The following GMDS variants were observed in gnomAD, a reference collection of about 807,000 sequenced individuals.
The protein encoded by GMDS is GDP-mannose 4,6-dehydratase.
In GMDS, 20 loss-of-function variants were observed where a neutral mutation model predicts 49.9. That is an observed-to-expected ratio of 0.40 (90% CI 0.28 to 0.58). The LOEUF (loss-of-function observed/expected upper bound fraction) is 0.58, where lower values mean the gene tolerates loss of function less well. Ranked by LOEUF, GMDS falls within the 20% of genes least tolerant of loss-of-function variation. The probability of loss-of-function intolerance (pLI) is 0.42; values close to 1 mark genes in which losing one functional copy is unlikely to be tolerated. For missense variants in GMDS, 362 were observed against 481.4 expected, an observed-to-expected ratio of 0.75 and a Z score of 2.32; for synonymous variants, 177 against 178.6, an observed-to-expected ratio of 0.99 and a Z score of 0.07.
chr6:1,935,821 A>G (rs2127252439), intron 6 of GMDS, among the ~76,000 whole-genome samples: 1 of 152,364 alleles, frequency 6.6e-6, no homozygotes, highest in Middle Eastern at 3.4e-3. Context: ...CACGCAATGC[A>G]GTAGACAACA....
chr6:1,884,183 T>TA (rs1759493634), intron 7 of GMDS, among the ~76,000 whole-genome samples: 1 of 152,198 alleles, frequency 6.6e-6, no homozygotes, highest in Non-Finnish European at 1.5e-5. Flanking sequence ...ATCAAATATC[T>TA]ATGTGAAAAG....
intron 4 of GMDS, among the ~76,000 whole-genome samples, chr6:2,109,311 T>G (rs1446442218): frequency 1.3e-5 from 2 of 152,116 alleles, no homozygotes; most frequent in African/African-American, 4.8e-5. Flanking sequence ...GGAGAGATAT[T>G]ATTGGAGACA....
chr6:1,868,682 A>G (rs1047581581), intron 7 of GMDS, among the ~76,000 whole-genome samples: 1 of 152,226 alleles, frequency 6.6e-6, no homozygotes, highest in Admixed American at 6.5e-5. Context: ...CTCTGAACTC[A>G]AGTGTAGGGC....
In GMDS at chr6:1,882,084, T is replaced by C. The variant is rs530839081; in HGVS notation, c.771+48019A>G. 3.9e-5 allele frequency among the ~76,000 whole-genome samples: 6 copies of C among 152,354 alleles called. No homozygotes were observed. In the South Asian group the frequency reaches 1.0e-3, roughly 26 times the overall value. ...TGGTGAGTATTTTATTTTTAGAACT[T>C]CTTTTCTAAATCAATGAAGGAAGGC... On this transcript the variant is annotated intron_variant, in intron 7 of 10. Coordinates refer to ENST00000380815, the MANE Select transcript of GMDS (RefSeq NM_001500.4).
chr6:1,862,456 G>A (rs369796771), intron 7 of GMDS, among the ~76,000 whole-genome samples: 1 of 152,222 alleles, frequency 6.6e-6, no homozygotes, highest in South Asian at 2.1e-4. Context: ...AATGCTAGGT[G>A]CAGCTTATCA....
At chr6:2,161,153 G>A (rs893383649) in intron 1 of GMDS, among the ~76,000 whole-genome samples, 3 of 151,722 alleles carry the variant, frequency 2.0e-5, no homozygotes, top group Admixed American at 1.3e-4. Flanking sequence ...CTGGGACTAC[G>A]GGCACACCAT....
At chr6:1,842,531 C>T (rs1391808576) in intron 7 of GMDS, among the ~76,000 whole-genome samples, 1 of 152,204 alleles carries the variant, frequency 6.6e-6, no homozygotes, top group Non-Finnish European at 1.5e-5. Flanking sequence ...CGACTTACAG[C>T]CACAGCAGGG....
intron 1 of GMDS, among the ~76,000 whole-genome samples, chr6:2,128,975 G>A (rs1275140898): frequency 2.0e-5 from 3 of 152,178 alleles, no homozygotes; most frequent in Non-Finnish European, 4.4e-5. Flanking sequence ...GGGGCCAAAG[G>A]GCAGGGCACC....
intron 4 of GMDS, among the ~76,000 whole-genome samples, chr6:2,039,340 A>G (rs1013668809): frequency 6.6e-6 from 1 of 152,222 alleles, no homozygotes; most frequent in Non-Finnish European, 1.5e-5. Context: ...TATGGACTTC[A>G]TGAACTTTAT....
At chr6:1,746,756 C>G (rs1206315554) in intron 7 of GMDS, among the ~76,000 whole-genome samples, 1 of 151,968 alleles carries the variant, frequency 6.6e-6, no homozygotes, top group African/African-American at 2.4e-5. Context: ...GGCTGGAGTA[C>G]AGTGGCACAA....
chr6:1,820,890 G>A (rs1256715583), intron 7 of GMDS, among the ~76,000 whole-genome samples: 1 of 152,180 alleles, frequency 6.6e-6, no homozygotes, highest in Admixed American at 6.5e-5. Context: ...TCTGCTCCTG[G>A]CCACTGGGTG....
intron 1 of GMDS, among the ~76,000 whole-genome samples, chr6:2,172,486 T>A (rs1175678177): frequency 6.6e-6 from 1 of 151,520 alleles, no homozygotes; most frequent in East Asian, 1.9e-4. Flanking sequence ...AGGTCAGGAG[T>A]TCAAAACCAG....
intron 4 of GMDS, among the ~76,000 whole-genome samples, chr6:2,055,829 C>T (rs894468691): frequency 2.0e-5 from 3 of 152,046 alleles, no homozygotes; most frequent in African/African-American, 7.2e-5. Flanking sequence ...CAAAATCATG[C>T]CCCAAAATAC....
At chr6:1,938,976 TCC>T (rs1762680472) in intron 6 of GMDS, among the ~76,000 whole-genome samples, 2 of 37,044 alleles carry the variant, frequency 5.4e-5, no homozygotes, top group African/African-American at 1.8e-4. Context: ...TCCCCTCCCC[TCC>T]CCTCCTCTCT....
intron 7 of GMDS, among the ~76,000 whole-genome samples, chr6:1,861,341 C>T (rs954705726): frequency 6.6e-6 from 1 of 152,158 alleles, no homozygotes; most frequent in Non-Finnish European, 1.5e-5. Context: ...GAATGGTTTG[C>T]ATAATGAACA....
chr6:2,227,468 G>A, intron 1 of GMDS, among the ~76,000 whole-genome samples: 1 of 152,282 alleles, frequency 6.6e-6, no homozygotes, highest in South Asian at 2.1e-4. Flanking sequence ...TCTTTGGAGA[G>A]GACTGAAATC....
intron 6 of GMDS, among the ~76,000 whole-genome samples, chr6:1,938,129 T>C (rs567220673): frequency 6.6e-6 from 1 of 152,320 alleles, no homozygotes; most frequent in East Asian, 1.9e-4. Flanking sequence ...AATAGCCAAA[T>C]AGGGTCTCCA....
At chr6:1,642,359 G>A (rs1215377038) in intron 9 of GMDS, among the ~76,000 whole-genome samples, 1 of 151,890 alleles carries the variant, frequency 6.6e-6, no homozygotes, top group Non-Finnish European at 1.5e-5. Context: ...AGTAGAGACA[G>A]GGTTTCACCA....
intron 1 of GMDS, among the ~76,000 whole-genome samples, chr6:2,213,913 G>A (rs1025852301): frequency 2.0e-5 from 3 of 152,154 alleles, no homozygotes; most frequent in Admixed American, 6.5e-5. Flanking sequence ...GATGACCTAC[G>A]GAGTGTTAAT....
Sources: allele counts gnomAD v4.1 joint callset (sites outside exome capture counted in the v4.1 genomes callset), GRCh38; gene constraint gnomAD v4.1.1; transcripts MANE v1.5; gene names NCBI Gene and HGNC (gene_info 2026-07-23, HGNC 2026-07-21).